ACER2: variants seen among roughly 807,000 people sequenced by gnomAD.
ACER2 encodes alkaline ceramidase 2.
ACER2 carries 26 observed loss-of-function variants against 34.7 expected under a neutral mutation model. The observed-to-expected ratio is 0.75, with a 90% CI of 0.55 to 1.04. The LOEUF (loss-of-function observed/expected upper bound fraction) is 1.04. Among genes scored for constraint, ACER2 ranks in the 50% least tolerant of loss-of-function variants. The pLI, the probability that ACER2 is intolerant of heterozygous loss-of-function variation, is 0.00. For synonymous variants in ACER2, 138 were observed against 132.1 expected (o/e 1.04, Z -0.31); for missense variants, 352 against 340.8 (o/e 1.03, Z -0.26).
Position 19,450,803 on chromosome 9 carries a change from T to G in ACER2, c.*167T>G. 1.8e-6 allele frequency: 1 copy of G among 550,600 alleles called. No individual in the cohort carries two copies. Among genetic ancestry groups the G allele is most frequent in the Non-Finnish European group, 2.9e-6 (1 of 350,028 alleles). The allele number at this position is 550,600 out of a possible 1,614,324, so 34.1% of individuals were successfully genotyped here. A position where few individuals can be genotyped will look rare whatever the true frequency, so the allele number is the denominator to read the frequency against. On this transcript the variant is annotated 3_prime_UTR_variant, in exon 6 of 6. Transcript: ENST00000340967. ...TTAGTGTTCTTTGTATGTAGGGATT[T>G]AAACTTTGTCATATGGTACAAATAT...
chr9:19,428,899 C>G (rs1261156694), intron 3 of ACER2, among the ~76,000 whole-genome samples: 1 of 145,418 alleles, frequency 6.9e-6, no homozygotes, highest in Non-Finnish European at 1.5e-5. Flanking sequence ...AAATGATTCT[C>G]CTGCCTCAGC....
intron 2 of ACER2, 116 bp downstream of exon 2, chr9:19,424,092 T>G: frequency 9.8e-7 from 1 of 1,017,756 alleles, no homozygotes; most frequent in Non-Finnish European, 1.5e-6. Flanking sequence ...GAAGTCACTC[T>G]GAGGTCTTAG....
intron 4 of ACER2, among the ~76,000 whole-genome samples, chr9:19,436,394 C>G (rs1830976789): frequency 6.6e-6 from 1 of 152,058 alleles, no homozygotes; most frequent in African/African-American, 2.4e-5. Flanking sequence ...GTCACTTATT[C>G]AGGAAAATTA....
Position 19,446,373 on chromosome 9 carries a change from G to A in ACER2, c.596G>A (p.Cys199Tyr). 2 of 1,614,182 alleles carry A rather than the reference G, an allele frequency of 1.2e-6. No individual in the cohort carries two copies. The highest frequency in any genetic ancestry group is 1.7e-6 in the Non-Finnish European group (2 of 1,180,038). Residue 199 changes from cysteine (C) to tyrosine (Y), a missense_variant, in exon 5 of 6, where the codon TGC becomes TAC. By Grantham distance (194) the Cys-to-Tyr change is radical. Transcript: ENST00000340967. ...TGCTGGATCAGTGACCGAGCTTTCT[G>A]CGAGCTGCTGTCATCCTTCAACTTC... Reference protein sequence around the residue: ...LFCWISDRAFCELLSSFNFPY... With the variant: ...LFCWISDRAFYELLSSFNFPY...
At chr9:19,441,498 C>T (rs975676264) in intron 4 of ACER2, among the ~76,000 whole-genome samples, 12 of 152,176 alleles carry the variant, frequency 7.9e-5, no homozygotes, top group African/African-American at 2.2e-4. Flanking sequence ...TCTGTTTCTT[C>T]TGGGGACCCT....
In ACER2 at chr9:19,434,936, C is replaced by T; in HGVS notation, c.366-11C>T. On this transcript the variant is annotated splice_polypyrimidine_tract_variant and intron_variant, in intron 3 of 5. Transcript: ENST00000340967. Reference sequence around the variant, plus strand: ...TTTCTAATGGATTTGGTTTTGCTTTCATGGATTCAGGGGTAGGTTCAAGGT... The same window carrying T: ...TTTCTAATGGATTTGGTTTTGCTTTTATGGATTCAGGGGTAGGTTCAAGGT... 6.2e-7 allele frequency: 1 copy of T among 1,613,040 alleles called. No homozygotes were observed. The highest frequency in any genetic ancestry group is 8.5e-7 in the Non-Finnish European group (1 of 1,179,938).
chr9:19,433,149 C>CTTTTTTTT (rs57915019), intron 3 of ACER2, among the ~76,000 whole-genome samples: 13 of 61,364 alleles, frequency 2.1e-4, no homozygotes, highest in African/African-American at 4.2e-4. Flanking sequence ...GTGTGAGTGG[C>CTTTTTTTT]TTTTTTTTTT....
At chr9:19,431,183 A>G (rs1228190068) in intron 3 of ACER2, among the ~76,000 whole-genome samples, 1 of 152,222 alleles carries the variant, frequency 6.6e-6, no homozygotes, top group Non-Finnish European at 1.5e-5. Flanking sequence ...GGATAACAGT[A>G]ATAATGAATT....
intron 1 of ACER2, among the ~76,000 whole-genome samples, chr9:19,412,669 A>C (rs567408282): frequency 1.1e-4 from 16 of 151,886 alleles, no homozygotes; most frequent in South Asian, 4.2e-4. Flanking sequence ...AAAAAAAAAA[A>C]AAAAAACCAG....
intron 3 of ACER2, among the ~76,000 whole-genome samples, chr9:19,430,150 A>G (rs753137566): frequency 2.1e-5 from 3 of 143,888 alleles, no homozygotes; most frequent in Non-Finnish European, 3.1e-5. Context: ...AAAAAAGCCA[A>G]TGATAGTGGT....
Position 19,412,103 on chromosome 9 carries a change from T to C in ACER2, c.108+2911T>C, listed in dbSNP as rs1338947627. Among the ~76,000 whole-genome samples the C allele has an allele frequency of 1.2e-4, 19 of 152,346 alleles. No homozygotes were observed. The South Asian group carries it at 3.3e-3, about 27-fold the overall frequency. On this transcript the variant is annotated intron_variant, in intron 1 of 5. Transcript: ENST00000340967. Reference sequence around the variant, plus strand: ...ATTTATCTATTTGGCATAGAATAGATATTTATTATTTAGTCATTCCATAAC... The same window carrying C: ...ATTTATCTATTTGGCATAGAATAGACATTTATTATTTAGTCATTCCATAAC...
intron 4 of ACER2, among the ~76,000 whole-genome samples, chr9:19,441,288 A>G (rs1831148218): frequency 6.6e-6 from 1 of 152,004 alleles, no homozygotes; most frequent in African/African-American, 2.4e-5. Context: ...TGACCTCATG[A>G]TCTGCCCTCC....
At chr9:19,433,696 G>A (rs1395149143) in intron 3 of ACER2, among the ~76,000 whole-genome samples, 2 of 152,172 alleles carry the variant, frequency 1.3e-5, no homozygotes, top group African/African-American at 2.4e-5. Flanking sequence ...GGTGGTGGCC[G>A]GGCAGAGGGG....
chr9:19,430,118 C>G (rs566849020), intron 3 of ACER2, among the ~76,000 whole-genome samples: 1 of 143,812 alleles, frequency 7.0e-6, no homozygotes, highest in Admixed American at 6.9e-5. Flanking sequence ...AAGCCTATAC[C>G]CTGTGTCCCT....
chr9:19,438,762 G>A (rs1831052130), intron 4 of ACER2, among the ~76,000 whole-genome samples: 2 of 152,174 alleles, frequency 1.3e-5, no homozygotes, highest in South Asian at 4.1e-4. Flanking sequence ...ATAAGAAAAG[G>A]GAAAGGGAAA....
chr9:19,443,627 G>C (rs1831232667), intron 4 of ACER2, among the ~76,000 whole-genome samples: 1 of 152,214 alleles, frequency 6.6e-6, no homozygotes, highest in Non-Finnish European at 1.5e-5. Context: ...AACAGGGGTA[G>C]TTCCTCTGGG....
chr9:19,444,251 C>T (rs1226636862), intron 4 of ACER2, among the ~76,000 whole-genome samples: 2 of 150,192 alleles, frequency 1.3e-5, no homozygotes. Flanking sequence ...TTGCTCTGTC[C>T]CCTGGGCTGG....
chr9:19,439,071 A>T (rs7025070), intron 4 of ACER2, among the ~76,000 whole-genome samples: 56,025 of 152,124 alleles, frequency 0.37, 11,005 homozygotes, highest in African/African-American at 0.47. Flanking sequence ...TTACATAAGG[A>T]AATATATTTT....
At chr9:19,430,591 G>T (rs953793932) in intron 3 of ACER2, among the ~76,000 whole-genome samples, 1 of 152,092 alleles carries the variant, frequency 6.6e-6, no homozygotes, top group Non-Finnish European at 1.5e-5. Flanking sequence ...GGATGTCCTT[G>T]TTGGCCAGCA....
Sources: gnomAD v4.1 joint callset for allele counts (sites outside exome capture counted in the v4.1 genomes callset) on GRCh38, gnomAD v4.1.1 for gene constraint, MANE v1.5 for transcripts, NCBI Gene and HGNC (gene_info 2026-07-23, HGNC 2026-07-21) for gene names.